The following FARS2 variants were observed in gnomAD, a reference collection of about 807,000 sequenced individuals.
The protein encoded by FARS2 is phenylalanyl-tRNA synthetase 2, mitochondrial, also known as phenylalanine--tRNA ligase, mitochondrial.
Under a neutral mutation model 46.4 loss-of-function variants are expected in FARS2, and 40 were observed. The ratio of observed to expected loss-of-function variants is 0.86; its 90% CI spans 0.67 to 1.12. FARS2 has a LOEUF of 1.12. FARS2 is among the 50% of genes most tolerant of loss of function. FARS2 has a pLI of 0.00. For synonymous variants in FARS2, 234 were observed against 214.9 expected, an observed-to-expected ratio of 1.09 and a Z score of -0.78; for missense variants, 513 against 567.9, an observed-to-expected ratio of 0.90 and a Z score of 0.98.
chr6:5,343,832 T>C lies in FARS2; in HGVS notation c.-21-24718T>C, dbSNP rs891073623. On this transcript the variant is annotated intron_variant, in intron 1 of 6. Coordinates refer to ENST00000274680, the MANE Select transcript of FARS2 (RefSeq NM_006567.5). This position sits in a 1 kb window ranked among gnomAD's most constrained non-coding sequence, Gnocchi z 4.5. ...AAGTCTGTAGTGTCAGTTTTACCAC[T>C]TGAGAATTTCAGAAATGAAGTTTAC... Among the ~76,000 whole-genome samples the C allele has an allele frequency of 6.6e-6, 1 of 152,154 alleles. No individual in the cohort carries two copies. Among genetic ancestry groups the C allele is most frequent in the African/African-American group, 2.4e-5 (1 of 41,424 alleles).
At chr6:5,255,683 C>T in the FARS2 span, among the ~76,000 whole-genome samples, 509 of 152,076 alleles carry the variant, frequency 3.3e-3, 5 homozygotes, top group African/African-American at 0.011. Flanking sequence ...GAATAGCATC[C>T]GTAGCCACGA....
intron 1 of FARS2, among the ~76,000 whole-genome samples, chr6:5,323,890 A>G (rs183168798): frequency 6.6e-6 from 1 of 152,296 alleles, no homozygotes; most frequent in Admixed American, 6.5e-5. Flanking sequence ...TTCAACCAGA[A>G]ACGTTCCAAA....
chr6:5,584,141 A>ACACACACACACACACG (rs1561731442), intron 5 of FARS2, among the ~76,000 whole-genome samples: 1 of 146,474 alleles, frequency 6.8e-6, no homozygotes, highest in African/African-American at 2.5e-5. Context: ...ACACACACAC[A>ACACACACACACACACG]CTCCTTGAGT....
chr6:5,761,362 A>G (rs1253568021), intron 6 of FARS2, among the ~76,000 whole-genome samples: 2 of 152,242 alleles, frequency 1.3e-5, no homozygotes, highest in Non-Finnish European at 2.9e-5. Context: ...CATGCACAGA[A>G]CAGCCACTCC....
At chr6:5,341,527 T>G (rs1771653695) in intron 1 of FARS2, among the ~76,000 whole-genome samples, 1 of 151,798 alleles carries the variant, frequency 6.6e-6, no homozygotes, top group Non-Finnish European at 1.5e-5. Flanking sequence ...TTATTTTATC[T>G]ATTTTTTTTG....
intron 3 of FARS2, among the ~76,000 whole-genome samples, chr6:5,422,267 C>A (rs573690561): frequency 6.6e-6 from 1 of 152,188 alleles, no homozygotes; most frequent in Admixed American, 6.5e-5. Context: ...TGGGCCCCTT[C>A]CACAATGCGT....
chr6:5,671,802 G>T (rs570971984), intron 6 of FARS2, among the ~76,000 whole-genome samples: 1 of 152,182 alleles, frequency 6.6e-6, no homozygotes, highest in Non-Finnish European at 1.5e-5. Context: ...AGGGACACCC[G>T]CAGGAGAAAT....
chr6:5,573,418 G>A (rs751093764), intron 5 of FARS2, among the ~76,000 whole-genome samples: 15 of 152,168 alleles, frequency 9.9e-5, no homozygotes, highest in Admixed American at 2.0e-4. Context: ...ACACGCGTGC[G>A]TGCATATAGA....
chr6:5,700,708 C>T (rs1250993010), intron 6 of FARS2, among the ~76,000 whole-genome samples: 1 of 152,140 alleles, frequency 6.6e-6, no homozygotes, highest in Non-Finnish European at 1.5e-5. Flanking sequence ...ACTCTCACTG[C>T]TTCACCTCCA....
chr6:5,540,434 C>T (rs1582397809), intron 4 of FARS2, among the ~76,000 whole-genome samples: 1 of 152,304 alleles, frequency 6.6e-6, no homozygotes, highest in Admixed American at 6.5e-5. Flanking sequence ...CTTCCGTACG[C>T]CTTTAGCCTC....
intron 4 of FARS2, among the ~76,000 whole-genome samples, chr6:5,517,987 C>A (rs747562694): frequency 5.3e-5 from 8 of 152,122 alleles, no homozygotes; most frequent in Non-Finnish European, 8.8e-5. Context: ...GAAATTAGGG[C>A]ATGGAAAGTC....
intron 5 of FARS2, among the ~76,000 whole-genome samples, chr6:5,570,184 A>T (rs1321437171): frequency 6.6e-6 from 1 of 152,228 alleles, no homozygotes; most frequent in Non-Finnish European, 1.5e-5. Context: ...AAGGACTGAA[A>T]AGTGAAAGAA....
intron 6 of FARS2, among the ~76,000 whole-genome samples, chr6:5,620,824 G>A (rs188462423): frequency 9.3e-4 from 141 of 152,348 alleles, no homozygotes; most frequent in African/African-American, 3.3e-3. Flanking sequence ...CTCCACTTGA[G>A]TCAGATGCTG....
intron 6 of FARS2, among the ~76,000 whole-genome samples, chr6:5,639,096 A>G (rs1475819668): frequency 2.6e-5 from 4 of 152,256 alleles, no homozygotes; most frequent in African/African-American, 9.6e-5. Context: ...TTCTGACCCC[A>G]GCTTCTCTCT....
At chr6:5,366,587 G>A (rs1225846166) in intron 1 of FARS2, among the ~76,000 whole-genome samples, 1 of 152,142 alleles carries the variant, frequency 6.6e-6, no homozygotes, top group Non-Finnish European at 1.5e-5. Context: ...CGGCAAGCTG[G>A]GGGTTGCGTG....
chr6:5,639,755 C>T (rs929568819), intron 6 of FARS2, among the ~76,000 whole-genome samples: 8 of 152,184 alleles, frequency 5.3e-5, no homozygotes, highest in Admixed American at 4.6e-4. Context: ...TACAACACTT[C>T]GTTGATGACC....
intron 5 of FARS2, among the ~76,000 whole-genome samples, chr6:5,610,524 G>C (rs1019117996): frequency 3.3e-5 from 5 of 152,002 alleles, no homozygotes; most frequent in African/African-American, 1.2e-4. Flanking sequence ...CATTGTATTA[G>C]GTATTATGAG....
At chr6:5,649,746 C>T (rs1048571566) in intron 6 of FARS2, among the ~76,000 whole-genome samples, 2 of 152,148 alleles carry the variant, frequency 1.3e-5, no homozygotes, top group African/African-American at 4.8e-5. Flanking sequence ...TGGGATTGAA[C>T]CCCCAGTCCA....
Position 5,313,377 on chromosome 6 carries a change from C to T in FARS2, c.-22+51717C>T, listed in dbSNP as rs147639432. Among the ~76,000 whole-genome samples the T allele has an allele frequency of 2.3e-3, 344 of 152,278 alleles. 2 individuals carry two copies. The highest frequency in any genetic ancestry group is 7.9e-3 in the African/African-American group (328 of 41,552). On this transcript the variant is annotated intron_variant, in intron 1 of 6. Transcript: ENST00000274680. ...TATAGTTTACTCTTAGCTCCTCTGTCGTACTTAATGCATAAAGGCTCATTG... is the reference window on the plus strand; with the variant it reads ...TATAGTTTACTCTTAGCTCCTCTGTTGTACTTAATGCATAAAGGCTCATTG...
Sources: allele counts gnomAD v4.1 joint callset (sites outside exome capture counted in the v4.1 genomes callset), GRCh38; gene constraint gnomAD v4.1.1; non-coding constraint Gnocchi (gnomAD v3.1); transcripts MANE v1.5; gene names NCBI Gene and HGNC (gene_info 2026-07-23, HGNC 2026-07-21).